The following KCNE1 variants were observed in gnomAD, a reference collection of about 807,000 sequenced individuals.
The protein encoded by KCNE1 is potassium voltage-gated channel subfamily E regulatory subunit 1.
In KCNE1, 1 loss-of-function variant was observed where a neutral mutation model predicts 2.9. The ratio of observed to expected loss-of-function variants is 0.34; its 90% CI spans 0.12 to 1.62. The LOEUF (loss-of-function observed/expected upper bound fraction) is 1.62, where lower values mean the gene tolerates loss of function less well. KCNE1 is among the 40% of genes most tolerant of loss of function. KCNE1 has a pLI of 0.36. For missense variants in KCNE1, 45 were observed against 150.5 expected (o/e 0.30, Z 3.67); for synonymous variants, 23 against 65.4 (o/e 0.35, Z 3.13).
intron 2 of KCNE1, among the ~76,000 whole-genome samples, chr21:34,502,063 C>G (rs1270787241): frequency 6.6e-6 from 1 of 152,198 alleles, no homozygotes; most frequent in Non-Finnish European, 1.5e-5. Flanking sequence ...AGGAGATGGA[C>G]TGCATTCATG....
chr21:34,511,586 T>G lies in KCNE1; in HGVS notation c.-376-271A>C, dbSNP rs1983841157. The stretch of plus-strand genomic sequence containing the variant: ...TCCAGAACCATGAGCCAAATGCATT[T>G]CTGTCTGTTACAAATTATGTACGGT... On this transcript the variant is annotated intron_variant, in intron 1 of 3. Coordinates refer to ENST00000399286, the MANE Select transcript of KCNE1 (RefSeq NM_000219.6). Among the ~76,000 whole-genome samples, 3 of 152,186 alleles carry G rather than the reference T, an allele frequency of 2.0e-5. 1 individual carries two copies. The South Asian group carries it at 6.2e-4, about 32-fold the overall frequency.
intron 2 of KCNE1, among the ~76,000 whole-genome samples, chr21:34,507,000 C>T (rs997380239): frequency 6.6e-6 from 1 of 152,172 alleles, no homozygotes; most frequent in Non-Finnish European, 1.5e-5. Context: ...CTGCAGACGC[C>T]CTGTCATGCC....
chr21:34,496,937 G>A lies in KCNE1; in HGVS notation c.-162+14164C>T, dbSNP rs116556323. On this transcript the variant is annotated intron_variant, in intron 2 of 3. Coordinates refer to ENST00000399286, the MANE Select transcript of KCNE1 (RefSeq NM_000219.6). ...ATGTCCCCCTTTGTCTTTTTAAATT[G>A]TTGTTGTGTTAAAGTCTGTTTTGTC... Among the ~76,000 whole-genome samples the A allele has an allele frequency of 7.8e-3, 1,189 of 152,130 alleles. 19 individuals are homozygous for A. The highest frequency in any genetic ancestry group is 0.027 in the African/African-American group (1,140 of 41,500).
chr21:34,507,749 C>G (rs888836639), intron 2 of KCNE1, among the ~76,000 whole-genome samples: 52 of 152,168 alleles, frequency 3.4e-4, no homozygotes, highest in Admixed American at 2.3e-3. Context: ...GTGAGAGGGT[C>G]CCAGTGACTT....
intron 2 of KCNE1, among the ~76,000 whole-genome samples, chr21:34,501,119 C>G (rs1818841328): frequency 6.6e-6 from 1 of 152,212 alleles, no homozygotes; most frequent in Non-Finnish European, 1.5e-5. Context: ...AGGTATGAAG[C>G]TGCACTGCTA....
At chr21:34,499,785 G>A (rs1238770827) in intron 2 of KCNE1, among the ~76,000 whole-genome samples, 5 of 152,166 alleles carry the variant, frequency 3.3e-5, no homozygotes, top group Non-Finnish European at 7.4e-5. Flanking sequence ...CTGTCTTGTG[G>A]AATTTGCAGC....
At chr21:34,508,113 GC>G (rs1339853656) in intron 2 of KCNE1, among the ~76,000 whole-genome samples, 1 of 151,272 alleles carries the variant, frequency 6.6e-6, no homozygotes, top group Non-Finnish European at 1.5e-5. Flanking sequence ...CACAAACTCT[GC>G]CTCCTGGGCT....
At chr21:34,496,760 T>C (rs376602884) in intron 2 of KCNE1, among the ~76,000 whole-genome samples, 6 of 152,226 alleles carry the variant, frequency 3.9e-5, no homozygotes, top group African/African-American at 1.2e-4. Context: ...CAGTGGAGTA[T>C]TGAAATCCCC....
At chr21:34,511,405 G>T in intron 1 of KCNE1, 90 bp from the exon 2 acceptor site, 1 of 511,764 alleles carries the variant, frequency 2.0e-6, no homozygotes, top group Non-Finnish European at 2.5e-6. Context: ...TAGTCATGAG[G>T]GCTCCACCCT....
intron 2 of KCNE1, among the ~76,000 whole-genome samples, chr21:34,496,736 C>T (rs2123502436): frequency 1.3e-5 from 2 of 152,246 alleles, no homozygotes; most frequent in South Asian, 4.1e-4. Flanking sequence ...TCTTGATGAT[C>T]CATCTAGTGC....
At chr21:34,507,837 A>T (rs758795622) in intron 2 of KCNE1, among the ~76,000 whole-genome samples, 4 of 152,216 alleles carry the variant, frequency 2.6e-5, no homozygotes, top group African/African-American at 4.8e-5. Context: ...AGCAAGTAGC[A>T]TGCATAACGA....
rs1568868456 is a variant in KCNE1 at position 34,511,213 on chromosome 21, T to C, written c.-274A>G. The C allele has an allele frequency of 1.6e-5, 16 of 985,698 alleles. No individual in the cohort carries two copies. The highest frequency in any genetic ancestry group is 1.3e-5 in the Non-Finnish European group (11 of 830,220). The allele number at this position is 985,698 out of a possible 1,614,324, so 61.1% of individuals were successfully genotyped here. On this transcript the variant is annotated 5_prime_UTR_variant, in exon 2 of 4. Transcript: ENST00000399286. Reference sequence around the variant, plus strand: ...CTTCTCAGAACTTTTTGAGTTATCCTTCTGGTCTCTTCCTCCTGAGCACGG... The same window carrying C: ...CTTCTCAGAACTTTTTGAGTTATCCCTCTGGTCTCTTCCTCCTGAGCACGG...
intron 2 of KCNE1, among the ~76,000 whole-genome samples, chr21:34,495,977 T>C (rs951820448): frequency 4.6e-5 from 7 of 152,228 alleles, no homozygotes; most frequent in African/African-American, 1.7e-4. Flanking sequence ...CCTTAGATTG[T>C]CTATTTGTGC....
At chr21:34,504,995 T>C (rs1400808272) in intron 2 of KCNE1, among the ~76,000 whole-genome samples, 1 of 152,192 alleles carries the variant, frequency 6.6e-6, no homozygotes, top group Non-Finnish European at 1.5e-5. Flanking sequence ...ACCGAAGTGA[T>C]GGTTGCACAT....
intron 2 of KCNE1, among the ~76,000 whole-genome samples, chr21:34,506,764 T>G (rs1309168921): frequency 6.6e-6 from 1 of 152,216 alleles, no homozygotes; most frequent in Non-Finnish European, 1.5e-5. Flanking sequence ...GGAAGCCAAC[T>G]GTTGCAGTCT....
chr21:34,507,753 G>A (rs1983586740), intron 2 of KCNE1, among the ~76,000 whole-genome samples: 1 of 152,188 alleles, frequency 6.6e-6, no homozygotes, highest in African/African-American at 2.4e-5. Context: ...GAGGGTCCCA[G>A]TGACTTAGCA....
At chr21:34,508,433 C>G (rs1983635696) in intron 2 of KCNE1, among the ~76,000 whole-genome samples, 2 of 152,160 alleles carry the variant, frequency 1.3e-5, no homozygotes, top group Non-Finnish European at 2.9e-5. Context: ...AACTCCACCT[C>G]CTGGATTCAA....
chr21:34,505,457 T>G (rs956074382), intron 2 of KCNE1, among the ~76,000 whole-genome samples: 1 of 151,922 alleles, frequency 6.6e-6, no homozygotes, highest in Non-Finnish European at 1.5e-5. Flanking sequence ...TTTTTTTTTT[T>G]GGAAAGCAAT....
intron 2 of KCNE1, among the ~76,000 whole-genome samples, chr21:34,504,231 G>T (rs1361573051): frequency 5.3e-5 from 8 of 152,348 alleles, no homozygotes; most frequent in Non-Finnish European, 8.8e-5. Flanking sequence ...GGTTGAGGAA[G>T]AGGAGTTGGG....
Sources: allele counts gnomAD v4.1 joint callset (sites outside exome capture counted in the v4.1 genomes callset), GRCh38; gene constraint gnomAD v4.1.1; transcripts MANE v1.5; gene names NCBI Gene and HGNC (gene_info 2026-07-23, HGNC 2026-07-21).